Variants in CCDC102B observed in about 807,000 individuals in gnomAD.
CCDC102B encodes coiled-coil domain containing 102B, also known as coiled-coil domain-containing protein 102B.
Under a neutral mutation model 57.4 loss-of-function variants are expected in CCDC102B, and 75 were observed. The ratio of observed to expected loss-of-function variants is 1.31; its 90% CI spans 1.08 to 1.58. The LOEUF is 1.58. Among genes scored for constraint, CCDC102B ranks in the 40% most tolerant of loss-of-function variants. CCDC102B has a pLI of 0.00. For missense variants in CCDC102B, 636 were observed against 582.6 expected, an observed-to-expected ratio of 1.09 and a Z score of -0.94; for synonymous variants, 206 against 201.9, an observed-to-expected ratio of 1.02 and a Z score of -0.17.
chr18:69,017,516 T>C (rs562439971), intron 7 of CCDC102B, among the ~76,000 whole-genome samples: 1 of 152,310 alleles, frequency 6.6e-6, no homozygotes, highest in South Asian at 2.1e-4. Context: ...ACCTTTAATT[T>C]TTGTATTTTA....
intron 6 of CCDC102B, among the ~76,000 whole-genome samples, chr18:68,958,941 A>G (rs1459422328): frequency 6.6e-6 from 1 of 152,160 alleles, no homozygotes; most frequent in African/African-American, 2.4e-5. Context: ...ATTTGTCAAA[A>G]TAACTATTTT....
intron 2 of CCDC102B, among the ~76,000 whole-genome samples, chr18:68,729,376 C>A (rs887003381): frequency 6.6e-6 from 1 of 152,022 alleles, no homozygotes; most frequent in Admixed American, 6.6e-5. Flanking sequence ...AGCAAAAGTC[C>A]AAGTATATCC....
chr18:68,757,086 C>A (rs17079646), intron 2 of CCDC102B, among the ~76,000 whole-genome samples: 90 of 152,206 alleles, frequency 5.9e-4, no homozygotes, highest in Non-Finnish European at 1.1e-3. Context: ...AAAGCCTTAA[C>A]TATTACCAGA....
chr18:68,991,997 T>TTG, intron 6 of CCDC102B, among the ~76,000 whole-genome samples: 1 of 152,172 alleles, frequency 6.6e-6, no homozygotes, highest in Non-Finnish European at 1.5e-5. Flanking sequence ...TTATTAGGCT[T>TTG]TATAATTTTT....
intron 2 of CCDC102B, among the ~76,000 whole-genome samples, chr18:68,763,661 T>C (rs1040327104): frequency 6.6e-6 from 1 of 151,518 alleles, no homozygotes; most frequent in African/African-American, 2.4e-5. Context: ...TATTTTATAT[T>C]CTGTATTGAG....
chr18:69,001,868 C>T (rs1003250429), intron 6 of CCDC102B, among the ~76,000 whole-genome samples: 3 of 152,176 alleles, frequency 2.0e-5, no homozygotes, highest in Non-Finnish European at 1.5e-5. Flanking sequence ...TATTCATCCC[C>T]TTGTCCAGTT....
At chr18:68,903,025 G>C in intron 6 of CCDC102B, among the ~76,000 whole-genome samples, 1 of 152,156 alleles carries the variant, frequency 6.6e-6, no homozygotes, top group East Asian at 1.9e-4. Context: ...TTTAAGATAA[G>C]CAATAATTTG....
intron 6 of CCDC102B, among the ~76,000 whole-genome samples, chr18:68,955,171 T>C (rs1599745946): frequency 1.3e-5 from 2 of 152,288 alleles, no homozygotes; most frequent in South Asian, 2.1e-4. Context: ...AAAAATAAAC[T>C]ACAAATCTTA....
At chr18:68,788,040 G>A (rs1440641375) in intron 2 of CCDC102B, among the ~76,000 whole-genome samples, 3 of 150,590 alleles carry the variant, frequency 2.0e-5, no homozygotes, top group East Asian at 2.0e-4. Flanking sequence ...CTTTGTTCTC[G>A]TTGGTTTCAA....
downstream of CCDC102B, among the ~76,000 whole-genome samples, chr18:69,057,502 T>A (rs1008784570): frequency 5.9e-5 from 9 of 152,074 alleles, no homozygotes; most frequent in African/African-American, 1.9e-4. Flanking sequence ...AACCTCTCAA[T>A]ACTCAGGAGT....
At chr18:68,886,837 C>A (rs1188896901) in intron 5 of CCDC102B, among the ~76,000 whole-genome samples, 2 of 152,020 alleles carry the variant, frequency 1.3e-5, no homozygotes, top group Non-Finnish European at 2.9e-5. Context: ...TCTAGTTTGA[C>A]ATTCACTCAT....
intron 1 of CCDC102B, 56 bp downstream of exon 1, chr18:68,798,237 G>T (rs562929626): frequency 6.6e-6 from 1 of 152,132 alleles, no homozygotes; most frequent in Non-Finnish European, 1.5e-5. Flanking sequence ...TTTTCCTGCT[G>T]AGGTACAGCA....
chr18:68,914,974 GGAGAGAGAGA>G (rs59012789), intron 6 of CCDC102B, among the ~76,000 whole-genome samples: 6 of 147,466 alleles, frequency 4.1e-5, no homozygotes, highest in Non-Finnish European at 6.0e-5. Context: ...ACTACTGGGG[GGAGAGAGAGA>G]GAGAGAGAGA....
At chr18:68,793,426 A>G (rs1226541213), upstream of CCDC102B, among the ~76,000 whole-genome samples, 1 of 152,182 alleles carries the variant, frequency 6.6e-6, no homozygotes, top group Non-Finnish European at 1.5e-5. Flanking sequence ...AGTACTATTA[A>G]TTCTTTCAAT....
At chr18:68,941,241 T>A (rs1249251865) in intron 6 of CCDC102B, among the ~76,000 whole-genome samples, 1 of 139,174 alleles carries the variant, frequency 7.2e-6, no homozygotes, top group Non-Finnish European at 1.6e-5. Context: ...AAAAGAAATT[T>A]ATAACTATGG....
chr18:68,829,944 A>C (rs1007411920), intron 1 of CCDC102B, among the ~76,000 whole-genome samples: 2 of 151,898 alleles, frequency 1.3e-5, no homozygotes, highest in African/African-American at 4.8e-5. Context: ...AAACAGAAAA[A>C]ATTCCCTGAT....
chr18:68,931,354 T>C (rs572577389), intron 6 of CCDC102B, among the ~76,000 whole-genome samples: 1 of 152,074 alleles, frequency 6.6e-6, no homozygotes, highest in East Asian at 1.9e-4. Flanking sequence ...AAAGACGTAA[T>C]GGTAGAATAT....
chr18:68,965,599 T>G (rs1425228769), intron 6 of CCDC102B, among the ~76,000 whole-genome samples: 3 of 151,176 alleles, frequency 2.0e-5, no homozygotes, highest in African/African-American at 7.3e-5. Context: ...ACCCTAGAAC[T>G]GAAAGTATAA....
At chr18:68,790,269 A>C (rs981494777) in intron 2 of CCDC102B, among the ~76,000 whole-genome samples, 4 of 151,812 alleles carry the variant, frequency 2.6e-5, no homozygotes, top group African/African-American at 7.3e-5. Flanking sequence ...TGCAGAGGTT[A>C]CTGCTGTCTT....
Sources: gnomAD v4.1 joint callset for allele counts (sites outside exome capture counted in the v4.1 genomes callset) on GRCh38, gnomAD v4.1.1 for gene constraint, MANE v1.5 for transcripts, NCBI Gene and HGNC (gene_info 2026-07-23, HGNC 2026-07-21) for gene names.